Variants in DNAJC12 observed in about 807,000 individuals in gnomAD.
DNAJC12 encodes dnaJ homolog subfamily C member 12.
A neutral mutation model predicts 28.5 loss-of-function variants in DNAJC12; 25 were observed. That is an observed-to-expected ratio of 0.88 (90% confidence interval 0.64 to 1.22). The LOEUF is 1.22. Among genes scored for constraint, DNAJC12 ranks in the 50% most tolerant of loss-of-function variants. The pLI is 0.00. For missense variants in DNAJC12, 222 were observed against 231.7 expected (o/e 0.96, Z 0.27); for synonymous variants, 77 against 80.6 (o/e 0.95, Z 0.24).
chr10:67,823,228 A>G (rs1213929139), intron 2 of DNAJC12, 86 bp downstream of exon 2: 1 of 1,105,118 alleles, frequency 9.0e-7, no homozygotes, highest in African/African-American at 1.6e-5. Context: ...ACAAGAGAAA[A>G]TTGAGAAAAT....
intron 2 of DNAJC12, among the ~76,000 whole-genome samples, chr10:67,822,033 A>G (rs1380609843): frequency 1.3e-5 from 2 of 152,226 alleles, no homozygotes; most frequent in Non-Finnish European, 1.5e-5. Context: ...GAAATTTCCC[A>G]GAAGCAGTCA....
intron 2 of DNAJC12, among the ~76,000 whole-genome samples, chr10:67,813,297 A>G (rs1841880698): frequency 6.6e-6 from 1 of 152,000 alleles, no homozygotes; most frequent in Non-Finnish European, 1.5e-5. Context: ...TGGGAGGTAG[A>G]GGTTGCAGTG....
At chr10:67,797,283 G>A in intron 4 of DNAJC12, 73 bp from the exon 5 acceptor site, 1 of 1,250,518 alleles carries the variant, frequency 8.0e-7, no homozygotes, top group Non-Finnish European at 1.1e-6. Context: ...AAAACAGCTT[G>A]GGGATAATAT....
chr10:67,807,257 T>C (rs565382732), intron 3 of DNAJC12, among the ~76,000 whole-genome samples: 5 of 151,068 alleles, frequency 3.3e-5, no homozygotes, highest in African/African-American at 1.2e-4. Flanking sequence ...CGAGATTCTG[T>C]CTCAAAAAAA....
In DNAJC12 at chr10:67,797,064, G is replaced by A; in HGVS notation, c.*52C>T. 7.1e-7 allele frequency: 1 copy of A among 1,403,264 alleles called. No individual in the cohort carries two copies. The highest frequency in any genetic ancestry group is 1.0e-6 in the Non-Finnish European group (1 of 1,004,744). 86.9% of individuals were successfully genotyped at this position (1,403,264 alleles called of 1,614,324 possible). On this transcript the variant is annotated 3_prime_UTR_variant, in exon 5 of 5. Coordinates refer to ENST00000225171, the MANE Select transcript of DNAJC12 (RefSeq NM_021800.3). The stretch of plus-strand genomic sequence containing the variant: ...AAGACATAAACAAAGACTGCATGTT[G>A]GCAGCATAGGGGACAGTCTTGCTCT...
At chr10:67,797,269 T>C in intron 4 of DNAJC12, 59 bp from the exon 5 acceptor site, 4 of 1,392,590 alleles carry the variant, frequency 2.9e-6, no homozygotes, top group East Asian at 2.4e-5. Context: ...GATCTTGTTA[T>C]AGTAAAACAG....
At chr10:67,799,778 G>A (rs1009078161) in intron 4 of DNAJC12, among the ~76,000 whole-genome samples, 4 of 151,782 alleles carry the variant, frequency 2.6e-5, no homozygotes, top group African/African-American at 9.7e-5. Context: ...AGCTACTCAG[G>A]AGGCTGAGGC....
At chr10:67,819,678 GAAAGAAAGAAAGA>G (rs1564863103) in intron 2 of DNAJC12, among the ~76,000 whole-genome samples, 2 of 5,692 alleles carry the variant, frequency 3.5e-4, no homozygotes, top group East Asian at 6.3e-3. Context: ...AAGAAAGAAA[GAAAGAAAGAAAGA>G]AAGAAAGGAA....
chr10:67,830,187 T>C (rs1355523381), intron 1 of DNAJC12, among the ~76,000 whole-genome samples: 5 of 152,248 alleles, frequency 3.3e-5, no homozygotes, highest in Admixed American at 1.3e-4. Context: ...TGGCATGGCC[T>C]GTAGTCCCAG....
chr10:67,801,066 AGATTGTC>A (rs1210715783), intron 4 of DNAJC12, among the ~76,000 whole-genome samples: 5 of 152,238 alleles, frequency 3.3e-5, no homozygotes, highest in African/African-American at 1.2e-4. Flanking sequence ...AGTAAAAATG[AGATTGTC>A]TCGCACAGTG....
chr10:67,814,420 A>C (rs74349958), intron 2 of DNAJC12, among the ~76,000 whole-genome samples: 4 of 152,182 alleles, frequency 2.6e-5, no homozygotes, highest in South Asian at 2.1e-4. Flanking sequence ...GAAAAAAAAA[A>C]CATAGGAATA....
At chr10:67,823,133 G>A (rs927707305) in intron 2 of DNAJC12, among the ~76,000 whole-genome samples, 181 bp downstream of exon 2, 5 of 152,030 alleles carry the variant, frequency 3.3e-5, no homozygotes, top group African/African-American at 4.8e-5. Flanking sequence ...GATCTTAAAC[G>A]ACTACTATTA....
At chr10:67,797,337 A>G (rs1325040965) in intron 4 of DNAJC12, 127 bp from the exon 5 acceptor site, 2 of 654,378 alleles carry the variant, frequency 3.1e-6, no homozygotes, top group Non-Finnish European at 5.2e-6. Context: ...TTTGGTATGA[A>G]TTATTAACAT....
At position 67,811,516 on chromosome 10, in the gene DNAJC12, A is replaced by G; in HGVS notation, c.297+8T>C. ...ACAAATTCACGTCGCACCCAGCGAG[A>G]AACCCACCGTCTTCACTGAGTCATT... On this transcript the variant is annotated splice_region_variant and intron_variant, in intron 3 of 4. Coordinates refer to ENST00000225171, the MANE Select transcript of DNAJC12 (RefSeq NM_021800.3). 6.2e-7 allele frequency: 1 copy of G among 1,614,024 alleles called. No homozygotes were observed. Among genetic ancestry groups the G allele is most frequent in the Admixed American group, 1.7e-5 (1 of 59,966 alleles).
intron 3 of DNAJC12, among the ~76,000 whole-genome samples, chr10:67,809,279 C>A (rs1841835436): frequency 6.6e-6 from 1 of 152,078 alleles, no homozygotes; most frequent in African/African-American, 2.4e-5. Flanking sequence ...CCATCCACAC[C>A]CTGGGTCTCT....
chr10:67,826,958 T>A (rs979704406), intron 1 of DNAJC12, among the ~76,000 whole-genome samples: 1 of 136,686 alleles, frequency 7.3e-6, no homozygotes, highest in African/African-American at 2.7e-5. Context: ...ATATCATGAT[T>A]TATATATATC....
chr10:67,826,449 AATGCATATATATAT>A (rs1389281274), intron 1 of DNAJC12, among the ~76,000 whole-genome samples: 1 of 117,414 alleles, frequency 8.5e-6, no homozygotes, highest in East Asian at 2.0e-4. Context: ...ATGCACTTTT[AATGCATATATATAT>A]ATGCATATAT....
intron 2 of DNAJC12, among the ~76,000 whole-genome samples, chr10:67,818,692 T>A (rs1841939790): frequency 1.3e-5 from 2 of 152,080 alleles, no homozygotes; most frequent in Admixed American, 1.3e-4. Context: ...ATTTCACTCT[T>A]GCTACCCAGG....
At chr10:67,808,879 C>CTGT (rs560129725) in intron 3 of DNAJC12, among the ~76,000 whole-genome samples, 61 of 152,310 alleles carry the variant, frequency 4.0e-4, no homozygotes, top group Middle Eastern at 3.4e-3. Flanking sequence ...GAATTGCATA[C>CTGT]TGTTTCCCAT....
Sources: gnomAD v4.1 joint callset for allele counts (sites outside exome capture counted in the v4.1 genomes callset) on GRCh38, gnomAD v4.1.1 for gene constraint, MANE v1.5 for transcripts, NCBI Gene and HGNC (gene_info 2026-07-23, HGNC 2026-07-21) for gene names.